The following TBC1D12 variants were observed in gnomAD, a reference collection of about 807,000 sequenced individuals.
TBC1D12 encodes TBC1 domain family, member 12.
A neutral mutation model predicts 86.7 loss-of-function variants in TBC1D12; 56 were observed. The observed-to-expected ratio is 0.65, with a 90% CI of 0.52 to 0.81. The LOEUF (loss-of-function observed/expected upper bound fraction) is 0.81. TBC1D12 is among the 30% of genes least tolerant of loss of function. The probability of loss-of-function intolerance (pLI) is 0.00; values close to 1 mark genes in which losing one functional copy is unlikely to be tolerated. For synonymous variants in TBC1D12, 421 were observed against 411.7 expected, an observed-to-expected ratio of 1.02 and a Z score of -0.27; for missense variants, 1,023 against 1,038.8, an observed-to-expected ratio of 0.98 and a Z score of 0.21.
At chr10:94,528,188 A>G (rs1842344633) in intron 11 of TBC1D12, among the ~76,000 whole-genome samples, 1 of 152,164 alleles carries the variant, frequency 6.6e-6, no homozygotes, top group Admixed American at 6.5e-5. Context: ...TTTGAACAAT[A>G]TTAATTCTTC....
intron 3 of TBC1D12, among the ~76,000 whole-genome samples, chr10:94,490,445 C>T (rs2056231070): frequency 6.6e-6 from 1 of 151,984 alleles, no homozygotes; most frequent in Admixed American, 6.6e-5. Flanking sequence ...TAAGGTATGC[C>T]TATAGTATAT....
chr10:94,465,606 A>G (rs1057165939), intron 2 of TBC1D12, among the ~76,000 whole-genome samples: 9 of 149,376 alleles, frequency 6.0e-5, no homozygotes, highest in African/African-American at 2.0e-4. Context: ...AGATCATGCC[A>G]CTGCACTCCA....
In TBC1D12 at chr10:94,456,775, C is replaced by T. The variant is rs188131333; in HGVS notation, c.1095+14756C>T. Among the ~76,000 whole-genome samples the T allele has an allele frequency of 1.4e-4, 21 of 152,318 alleles. No homozygotes were observed. In the East Asian group the frequency reaches 3.9e-3, roughly 28 times the overall value. ...TTCTGATAGAGGCATTAAAGTTTTC[C>T]AGTGTAATAGTAGATTCATCTATTA... is the stretch of plus-strand genomic sequence containing the variant. On this transcript the variant is annotated intron_variant, in intron 2 of 12. Transcript: ENST00000225235.
At chr10:94,430,620 A>G (rs1415499137) in intron 1 of TBC1D12, among the ~76,000 whole-genome samples, 1 of 152,202 alleles carries the variant, frequency 6.6e-6, no homozygotes, top group Non-Finnish European at 1.5e-5. Context: ...AAAGAAATGA[A>G]GAAATTTTAG....
At chr10:94,465,887 T>TATAC (rs1176447476) in intron 2 of TBC1D12, among the ~76,000 whole-genome samples, 1 of 151,038 alleles carries the variant, frequency 6.6e-6, no homozygotes, top group Non-Finnish European at 1.5e-5. Flanking sequence ...CATGTATGTA[T>TATAC]ATACATACAT....
intron 7 of TBC1D12, 75 bp from the exon 8 acceptor site, chr10:94,510,016 A>G: frequency 2.0e-6 from 2 of 987,078 alleles, no homozygotes; most frequent in Non-Finnish European, 1.6e-6. Flanking sequence ...ATGCTGTGTG[A>G]TCATTCTGTA....
At chr10:94,459,743 GC>G (rs2055694741) in intron 2 of TBC1D12, among the ~76,000 whole-genome samples, 1 of 152,204 alleles carries the variant, frequency 6.6e-6, no homozygotes, top group Admixed American at 6.5e-5. Context: ...TGGCCTGGGT[GC>G]TAAGCCCCTC....
At chr10:94,417,221 C>T (rs2055010718) in intron 1 of TBC1D12, among the ~76,000 whole-genome samples, 1 of 152,064 alleles carries the variant, frequency 6.6e-6, no homozygotes, top group African/African-American at 2.4e-5. Context: ...GTCTCCTTTT[C>T]ACAATGTGAT....
chr10:94,421,201 C>T (rs1479916114), intron 1 of TBC1D12, among the ~76,000 whole-genome samples: 1 of 152,104 alleles, frequency 6.6e-6, no homozygotes, highest in East Asian at 1.9e-4. Flanking sequence ...ACCCCCTGGC[C>T]TCTGGTAACC....
chr10:94,491,623 C>A (rs553374666), intron 3 of TBC1D12, among the ~76,000 whole-genome samples: 1 of 152,086 alleles, frequency 6.6e-6, no homozygotes, highest in African/African-American at 2.4e-5. Context: ...TTTTAAATTG[C>A]GTGCCATTCT....
At chr10:94,444,249 T>C (rs1184457691) in intron 2 of TBC1D12, among the ~76,000 whole-genome samples, 3 of 151,332 alleles carry the variant, frequency 2.0e-5, no homozygotes, top group Non-Finnish European at 4.4e-5. Context: ...TAGCAGTTAC[T>C]AAGTGTTAGG....
Position 94,497,041 on chromosome 10 carries a change from C to T in TBC1D12, c.1295-14C>T. 6.7e-7 allele frequency: 1 copy of T among 1,482,946 alleles called. No homozygotes were observed. Among genetic ancestry groups the T allele is most frequent in the Non-Finnish European group, 9.1e-7 (1 of 1,094,310 alleles). 91.9% of individuals were successfully genotyped at this position (1,482,946 alleles called of 1,614,324 possible). A position where few individuals can be genotyped will look rare whatever the true frequency, so the allele number is the denominator to read the frequency against. ...CTTATTTGTATTGAAATAATTTTTA[C>T]TCGTTTAAAACAGAAATTAAGGAAG... On this transcript the variant is annotated splice_polypyrimidine_tract_variant and intron_variant, in intron 4 of 12. Transcript: ENST00000225235.
chr10:94,524,621 C>T (rs1842240536), intron 11 of TBC1D12, among the ~76,000 whole-genome samples: 1 of 151,470 alleles, frequency 6.6e-6, no homozygotes. Context: ...TGCCTGTAGT[C>T]CCAGCTACTT....
At chr10:94,507,462 C>A in intron 7 of TBC1D12, 115 bp downstream of exon 7, 1 of 948,742 alleles carries the variant, frequency 1.1e-6, no homozygotes, top group Non-Finnish European at 1.5e-6. Context: ...TTAACCCTTT[C>A]AGTAAACAAG....
chr10:94,463,609 T>C (rs1341103994), intron 2 of TBC1D12, among the ~76,000 whole-genome samples: 1 of 152,216 alleles, frequency 6.6e-6, no homozygotes, highest in African/African-American at 2.4e-5. Context: ...ACACCAGTTT[T>C]GGAAGGGACA....
chr10:94,522,184 CTTATCA>C (rs1422056753), intron 10 of TBC1D12, 101 bp downstream of exon 10: 5 of 1,382,384 alleles, frequency 3.6e-6, no homozygotes, highest in South Asian at 1.5e-5. Context: ...CTAATATAAA[CTTATCA>C]TTATATTATA....
At chr10:94,421,861 A>G (rs376489660) in intron 1 of TBC1D12, among the ~76,000 whole-genome samples, 135 of 152,262 alleles carry the variant, frequency 8.9e-4, no homozygotes, top group African/African-American at 3.2e-3. Context: ...CCTTTGCCTA[A>G]TATTAATTGG....
intron 1 of TBC1D12, among the ~76,000 whole-genome samples, chr10:94,422,424 G>A (rs867599056): frequency 3.9e-5 from 6 of 151,956 alleles, no homozygotes; most frequent in Admixed American, 6.6e-5. Context: ...TCCTGACCTC[G>A]TGATCTGCCT....
rs533591006 is a variant in TBC1D12 at position 94,488,100 on chromosome 10, A to T, written c.1212-5265A>T. 5.1e-4 allele frequency among the ~76,000 whole-genome samples: 77 copies of T among 152,140 alleles called. No individual in the cohort carries two copies. In the South Asian group the frequency reaches 0.015, roughly 30 times the overall value. On this transcript the variant is annotated intron_variant, in intron 3 of 12. Transcript: ENST00000225235. ...TCATCTTTTAATCTTTCTACTTAAGAGTAGGCTGGGCACAGTGGCTTACGA... is the reference window on the plus strand; with the variant it reads ...TCATCTTTTAATCTTTCTACTTAAGTGTAGGCTGGGCACAGTGGCTTACGA...
Sources: gnomAD v4.1 joint callset for allele counts (sites outside exome capture counted in the v4.1 genomes callset) on GRCh38, gnomAD v4.1.1 for gene constraint, MANE v1.5 for transcripts, NCBI Gene and HGNC (gene_info 2026-07-23, HGNC 2026-07-21) for gene names.